The following NELL1 variants were observed in gnomAD, a reference collection of about 807,000 sequenced individuals.
The protein encoded by NELL1 is protein kinase C-binding protein NELL1.
A neutral mutation model predicts 107.4 loss-of-function variants in NELL1; 76 were observed. The observed-to-expected ratio is 0.71, with a 90% CI of 0.59 to 0.86. The LOEUF (loss-of-function observed/expected upper bound fraction) is 0.86. Among genes scored for constraint, NELL1 ranks in the 40% least tolerant of loss-of-function variants. The pLI, the probability that NELL1 is intolerant of heterozygous loss-of-function variation, is 0.00. For synonymous variants in NELL1, 353 were observed against 341.2 expected, an observed-to-expected ratio of 1.03 and a Z score of -0.38; for missense variants, 1,024 against 1,005.5, an observed-to-expected ratio of 1.02 and a Z score of -0.25.
chr11:21,228,498 C>T (rs1361619627), intron 13 of NELL1, among the ~76,000 whole-genome samples: 1 of 152,114 alleles, frequency 6.6e-6, no homozygotes, highest in Non-Finnish European at 1.5e-5. Flanking sequence ...AAATCCTTTT[C>T]CTACTCTCAG....
intron 3 of NELL1, among the ~76,000 whole-genome samples, chr11:20,819,869 A>G (rs1857711553): frequency 6.6e-6 from 1 of 152,210 alleles, no homozygotes; most frequent in Non-Finnish European, 1.5e-5. Flanking sequence ...CTTTCAGAGG[A>G]CTCTGGGGAC....
At chr11:21,097,688 A>G (rs1244827255) in intron 12 of NELL1, among the ~76,000 whole-genome samples, 2 of 152,176 alleles carry the variant, frequency 1.3e-5, no homozygotes, top group African/African-American at 4.8e-5. Flanking sequence ...AAGGAAGAAT[A>G]AGAAAGTTGA....
chr11:20,767,728 A>C (rs974161415), intron 2 of NELL1, among the ~76,000 whole-genome samples: 9 of 151,858 alleles, frequency 5.9e-5, no homozygotes, highest in African/African-American at 2.2e-4. Flanking sequence ...ATATTCATTC[A>C]TTCATTCATT....
intron 14 of NELL1, among the ~76,000 whole-genome samples, chr11:21,354,366 C>G (rs1850883123): frequency 6.6e-6 from 1 of 151,994 alleles, no homozygotes; most frequent in Admixed American, 6.6e-5. Context: ...TCTTTCTACT[C>G]TCCTCTCCTT....
Position 20,790,728 on chromosome 11 carries a change from G to A in NELL1, c.335+6898G>A, listed in dbSNP as rs181357399. 2.1e-3 allele frequency among the ~76,000 whole-genome samples: 327 copies of A among 152,286 alleles called. 1 individual carries two copies. The highest frequency in any genetic ancestry group is 7.5e-3 in the African/African-American group (313 of 41,550). Reference sequence around the variant, plus strand: ...TGCTCCTGCCTGCTCTACGGGGCAGGAGGCCTGGGTCTGTAGCTGCAAGTG... The same window carrying A: ...TGCTCCTGCCTGCTCTACGGGGCAGAAGGCCTGGGTCTGTAGCTGCAAGTG... On this transcript the variant is annotated intron_variant, in intron 3 of 19. Transcript: ENST00000357134.
chr11:21,458,799 A>G (rs536626443), intron 15 of NELL1, among the ~76,000 whole-genome samples: 2 of 152,288 alleles, frequency 1.3e-5, no homozygotes, highest in South Asian at 4.1e-4. Context: ...CTCTACCTAA[A>G]TGAATGAAGA....
chr11:20,683,063 A>T (rs1854227765), intron 2 of NELL1, among the ~76,000 whole-genome samples: 1 of 151,790 alleles, frequency 6.6e-6, no homozygotes, highest in Admixed American at 6.6e-5. Flanking sequence ...TCTTCTCGTG[A>T]TTTGTTTCCT....
chr11:21,015,905 T>C (rs1011167421), intron 12 of NELL1, among the ~76,000 whole-genome samples: 10 of 152,084 alleles, frequency 6.6e-5, no homozygotes, highest in Non-Finnish European at 8.8e-5. Flanking sequence ...GTGACTGTTT[T>C]GCTTTATAAA....
At chr11:21,549,779 C>A (rs954400788) in intron 16 of NELL1, among the ~76,000 whole-genome samples, 1 of 151,734 alleles carries the variant, frequency 6.6e-6, no homozygotes, top group African/African-American at 2.4e-5. Flanking sequence ...TGAAAGATTG[C>A]CAAAGGTGGA....
At chr11:21,104,143 A>T (rs1265950070) in intron 12 of NELL1, among the ~76,000 whole-genome samples, 2 of 152,158 alleles carry the variant, frequency 1.3e-5, no homozygotes, top group African/African-American at 4.8e-5. Flanking sequence ...TTTTGGAAGC[A>T]CTCACTGGGT....
At chr11:21,094,053 TA>T (rs1487785752) in intron 12 of NELL1, among the ~76,000 whole-genome samples, 3 of 151,754 alleles carry the variant, frequency 2.0e-5, no homozygotes, top group Non-Finnish European at 4.4e-5. Flanking sequence ...GTCCTTTCAC[TA>T]ATGAGTCTGT....
At chr11:21,252,664 C>G (rs1858670339) in intron 14 of NELL1, among the ~76,000 whole-genome samples, 1 of 152,054 alleles carries the variant, frequency 6.6e-6, no homozygotes, top group Non-Finnish European at 1.5e-5. Context: ...AGAAATGGAA[C>G]TAAAATGGAA....
intron 14 of NELL1, among the ~76,000 whole-genome samples, chr11:21,234,892 C>T (rs530464196): frequency 8.6e-4 from 131 of 152,120 alleles, no homozygotes; most frequent in African/African-American, 3.0e-3. Flanking sequence ...TTTTCAGAGG[C>T]TCACAGGCAA....
chr11:21,418,214 A>G (rs1852567798), intron 15 of NELL1, among the ~76,000 whole-genome samples: 1 of 151,946 alleles, frequency 6.6e-6, no homozygotes, highest in African/African-American at 2.4e-5. Flanking sequence ...GCTTCTGGGG[A>G]TGGTGGTAGA....
chr11:21,250,698 C>G (rs1372049289), intron 14 of NELL1, among the ~76,000 whole-genome samples: 3 of 152,098 alleles, frequency 2.0e-5, no homozygotes, highest in African/African-American at 4.8e-5. Context: ...GCAAAACACT[C>G]TATTCCTTGA....
chr11:20,719,420 AC>A (rs1382628389), intron 2 of NELL1, among the ~76,000 whole-genome samples: 67 of 646 alleles, frequency 0.1, no homozygotes, highest in Admixed American at 0.21. Context: ...ACTATTAAAA[AC>A]ACACACACAC....
chr11:21,289,121 G>C (rs1181474532), intron 14 of NELL1, among the ~76,000 whole-genome samples: 1 of 152,136 alleles, frequency 6.6e-6, no homozygotes, highest in African/African-American at 2.4e-5. Flanking sequence ...GAATGACAGG[G>C]TCACATTACA....
intron 14 of NELL1, among the ~76,000 whole-genome samples, chr11:21,305,564 A>G (rs17298929): frequency 0.046 from 7,013 of 152,044 alleles, 208 homozygotes; most frequent in East Asian, 0.097. Context: ...AAGTCAAAAG[A>G]CTGATGCTAC....
intron 3 of NELL1, among the ~76,000 whole-genome samples, chr11:20,801,587 T>C (rs1180228715): frequency 6.6e-6 from 1 of 152,174 alleles, no homozygotes; most frequent in Non-Finnish European, 1.5e-5. Flanking sequence ...CTTTATGTAA[T>C]CCCATTTATC....
Sources: allele counts gnomAD v4.1 joint callset (sites outside exome capture counted in the v4.1 genomes callset), GRCh38; gene constraint gnomAD v4.1.1; transcripts MANE v1.5; gene names NCBI Gene and HGNC (gene_info 2026-07-23, HGNC 2026-07-21).